The following TNS1 variants were observed in gnomAD, a reference collection of about 807,000 sequenced individuals.
TNS1 encodes the protein tensin-1.
In TNS1, 62 loss-of-function variants were observed where a neutral mutation model predicts 168.6. That is an observed-to-expected ratio of 0.37 (90% CI 0.30 to 0.45). TNS1 has a LOEUF of 0.45. Ranked by LOEUF, TNS1 falls within the 20% of genes least tolerant of loss-of-function variation. The pLI is 1.00. For synonymous variants in TNS1, 934 were observed against 933.2 expected (o/e 1.00, Z -0.02); for missense variants, 2,240 against 2,339.4 (o/e 0.96, Z 0.88).
chr2:217,842,262 C>T, intron 19 of TNS1: 1 of 578,302 alleles, frequency 1.7e-6, no homozygotes, highest in Non-Finnish European at 3.1e-6. Context: ...AGCCTCTTCT[C>T]CTTAAACTCC....
intron 3 of TNS1, among the ~76,000 whole-genome samples, chr2:217,933,083 C>T (rs1019299769): frequency 6.6e-6 from 1 of 152,182 alleles, no homozygotes; most frequent in East Asian, 1.9e-4. Context: ...GCAGCAGAGG[C>T]TTGACGCACA....
rs1004814 is a variant in TNS1 at position 217,847,583 on chromosome 2, C to T, written c.2934G>A (p.Ala978=). The change falls in exon 19 of 33, where the codon GCG becomes GCA. Residue 978 remains alanine, a synonymous_variant. Coordinates refer to ENST00000682258, the MANE Select transcript of TNS1 (RefSeq NM_001387777.1). ...CTGGAGTCCGGGAGGGGTCTGAAGT[C>T]GCTTCCTTTGGTGAGAGCAGAGGCT... The part of the protein sequence containing the change: ...TAQPLLSPKE[A]TSDPSRTPEE... 506,210 of 1,501,626 alleles carry T rather than the reference C, an allele frequency of 0.34. 89,405 individuals carry two copies. The highest frequency in any genetic ancestry group is 0.59 in the African/African-American group (42,542 of 72,222). 93.0% of individuals were successfully genotyped at this position (1,501,626 alleles called of 1,614,324 possible).
At chr2:217,944,585 G>A (rs1166573738) in intron 3 of TNS1, among the ~76,000 whole-genome samples, 1 of 152,214 alleles carries the variant, frequency 6.6e-6, no homozygotes, top group African/African-American at 2.4e-5. Context: ...TTCTGAACCT[G>A]CTTTTTTCTT....
chr2:217,829,221 C>CA lies in TNS1; in HGVS notation c.3373+2233dup, dbSNP rs10602621. 1.2e-4 allele frequency among the ~76,000 whole-genome samples: 18 copies of CA among 148,196 alleles called. No homozygotes were observed. The East Asian group carries it at 1.6e-3, about 13-fold the overall frequency. ...TGAAACCCCATCTCTACTAAAAATA[C>CA]AAAAAAAAAAAAAAATTGCTGGGCG... On this transcript the variant is annotated intron_variant, in intron 22 of 32. Coordinates refer to ENST00000682258, the MANE Select transcript of TNS1 (RefSeq NM_001387777.1).
intron 3 of TNS1, among the ~76,000 whole-genome samples, chr2:217,935,156 G>C (rs1047322475): frequency 2.0e-5 from 3 of 152,192 alleles, no homozygotes; most frequent in African/African-American, 7.2e-5. Flanking sequence ...TGCTGAAGAC[G>C]GGAGATCTGA....
Position 217,819,196 on chromosome 2 carries a change from T to C in TNS1, c.3573-437A>G, listed in dbSNP as rs567981636. 2.6e-5 allele frequency among the ~76,000 whole-genome samples: 4 copies of C among 152,222 alleles called. No individual in the cohort carries two copies. The East Asian group carries it at 7.8e-4, about 30-fold the overall frequency. On this transcript the variant is annotated intron_variant, in intron 23 of 32. Transcript: ENST00000682258. The stretch of plus-strand genomic sequence containing the variant: ...GGGAGTAGCCCTGTCTTGACTCAGT[T>C]TCCTCAAGTGTGATATCATCATCCT...
chr2:217,802,682 A>T lies in TNS1; in HGVS notation c.*1777T>A, dbSNP rs1315849070. On this transcript the variant is annotated 3_prime_UTR_variant, in exon 33 of 33. Transcript: ENST00000682258. The stretch of plus-strand genomic sequence containing the variant: ...AAAGGCCCCCTACACTTCAGGCTTT[A>T]CTTACACATATAAAAAAGGATAGGA... 6.6e-6 allele frequency: 1 copy of T among 152,648 alleles called. No individual in the cohort carries two copies. The highest frequency in any genetic ancestry group is 1.5e-5 in the Non-Finnish European group (1 of 68,042). The allele number at this position is 152,648 out of a possible 1,614,324, so 9.5% of individuals were successfully genotyped here. A position where few individuals can be genotyped will look rare whatever the true frequency, so the allele number is the denominator to read the frequency against.
chr2:217,994,007 G>A (rs1958423436), intron 1 of TNS1, among the ~76,000 whole-genome samples: 1 of 152,204 alleles, frequency 6.6e-6, no homozygotes, highest in Admixed American at 6.5e-5. Context: ...TAGAAGTGGG[G>A]ACTGCGGAGG....
In TNS1 at chr2:217,979,015, G is replaced by A; in HGVS notation, c.149-213C>T. The A allele has an allele frequency of 5.9e-6, 3 of 505,890 alleles. No individual in the cohort carries two copies. The South Asian group carries it at 8.0e-5, about 13-fold the overall frequency. 31.3% of individuals were successfully genotyped at this position (505,890 alleles called of 1,614,324 possible). A position where few individuals can be genotyped will look rare whatever the true frequency, so the allele number is the denominator to read the frequency against. On this transcript the variant is annotated intron_variant, in intron 2 of 32. Transcript: ENST00000682258. ...GGAGTGCCCGGGACTGAGGACCCGC[G>A]GCCGGGGAGGCAGGGGGCTCCCAGA...
chr2:217,820,517 C>T (rs1942664716), intron 23 of TNS1, among the ~76,000 whole-genome samples: 2 of 152,060 alleles, frequency 1.3e-5, no homozygotes, highest in Non-Finnish European at 2.9e-5. Context: ...AGCATTGAGC[C>T]AATGTAGACT....
intron 2 of TNS1, among the ~76,000 whole-genome samples, chr2:217,980,156 T>C (rs956740532): frequency 6.6e-6 from 1 of 152,004 alleles, no homozygotes; most frequent in Admixed American, 6.5e-5. Context: ...CAGAACCTAG[T>C]CCTGGCCCAG....
At chr2:217,903,899 T>G (rs889479356) in intron 6 of TNS1, 1 of 446,770 alleles carries the variant, frequency 2.2e-6, no homozygotes, top group Non-Finnish European at 3.9e-6. Flanking sequence ...TTGGGTGGGG[T>G]TGGTTTGAAG....
At chr2:218,007,431 C>G (rs759963070), upstream of TNS1, among the ~76,000 whole-genome samples, 10 of 152,136 alleles carry the variant, frequency 6.6e-5, no homozygotes, top group Non-Finnish European at 1.2e-4. Flanking sequence ...TCATCTGATT[C>G]CACATCTCCC....
chr2:217,916,867 GAAAAC>G (rs1214997931), intron 4 of TNS1, among the ~76,000 whole-genome samples: 1 of 152,178 alleles, frequency 6.6e-6, no homozygotes, highest in Non-Finnish European at 1.5e-5. Flanking sequence ...GAGACATGAA[GAAAAC>G]ACAACACACA....
rs541913390 is a variant in TNS1 at position 217,869,831 on chromosome 2, C to G, written c.1429+11067G>C. Among the ~76,000 whole-genome samples, 8 of 152,312 alleles carry G rather than the reference C, an allele frequency of 5.3e-5. No individual in the cohort carries two copies. The East Asian group carries it at 1.5e-3, about 29-fold the overall frequency. ...GGGCTTCTGGGCCAGCTCAGCTCAGCTCCTGGGAGCAGCAGGGACCCCCGG... is the reference window on the plus strand; with the variant it reads ...GGGCTTCTGGGCCAGCTCAGCTCAGGTCCTGGGAGCAGCAGGGACCCCCGG... On this transcript the variant is annotated intron_variant, in intron 18 of 32. Coordinates refer to ENST00000682258, the MANE Select transcript of TNS1 (RefSeq NM_001387777.1).
In TNS1 at chr2:217,813,878, T is replaced by C; in HGVS notation, c.4730-62A>G. The C allele has an allele frequency of 6.7e-7, 1 of 1,501,614 alleles. No individual in the cohort carries two copies. Among genetic ancestry groups the C allele is most frequent in the Non-Finnish European group, 8.9e-7 (1 of 1,125,348 alleles). 93.0% of individuals were successfully genotyped at this position (1,501,614 alleles called of 1,614,324 possible). ...AGACCTCGGTGGCGCTAGTTTTACT[T>C]AAGTCTCATTGAGCCTACCGACCTT... On this transcript the variant is annotated intron_variant, in intron 25 of 32. Coordinates refer to ENST00000682258, the MANE Select transcript of TNS1 (RefSeq NM_001387777.1). The surrounding 1 kb of genome is among the most constrained non-coding windows in gnomAD (Gnocchi z 4.0).
rs372383802 is a variant in TNS1, at chr2:217,817,847, C to G, written c.4485G>C (p.Arg1495Ser). 3.7e-6 allele frequency: 6 copies of G among 1,614,102 alleles called. No homozygotes were observed. The highest frequency in any genetic ancestry group is 1.6e-4 in the Middle Eastern group (1 of 6,084). Residue 1495 changes from arginine (R) to serine (S), a missense_variant, in exon 24 of 33, where the codon AGG (arginine) becomes AGC (serine). Physicochemically the swap from Arg to Ser is moderately radical, Grantham distance 110 (BLOSUM62 -1). Around this residue, in one of 2 missense-constraint regions of TNS1, gnomAD observed 2,131 missense variants for 2,171.2 expected, o/e 0.98. Transcript: ENST00000682258. ...SPTPALPEKRRMSVGDRAGSL... is the reference protein window; with the variant it reads ...SPTPALPEKRSMSVGDRAGSL... ...TGCCTGCCCGGTCTCCCACTGACAT[C>G]CTTCGCTTCTCTGGCAAGGCTGGTG...
chr2:218,031,833 C>T (rs892383840), intron 1 of TNS1, among the ~76,000 whole-genome samples: 3 of 152,186 alleles, frequency 2.0e-5, no homozygotes, highest in African/African-American at 7.2e-5. Flanking sequence ...AGGAGAACGT[C>T]TAACCTCAGT....
chr2:217,997,593 C>T (rs1248472788), intron 1 of TNS1, among the ~76,000 whole-genome samples: 1 of 152,206 alleles, frequency 6.6e-6, no homozygotes, highest in African/African-American at 2.4e-5. Context: ...TTTTCCCAGT[C>T]GCTCTTTCTT....
Sources: gnomAD v4.1 joint callset for allele counts (sites outside exome capture counted in the v4.1 genomes callset) on GRCh38, gnomAD v4.1.1 for gene constraint, gnomAD v4.1.1 regional missense constraint, Gnocchi (gnomAD v3.1) non-coding constraint, MANE v1.5 for transcripts, NCBI Gene and HGNC (gene_info 2026-07-23, HGNC 2026-07-21) for gene names.